DISP1: variants seen among roughly 807,000 people sequenced by gnomAD.
DISP1 encodes the protein dispatched RND transporter family member 1.
DISP1 carries 30 observed loss-of-function variants against 37.3 expected under a neutral mutation model. The ratio of observed to expected loss-of-function variants is 0.80; its 90% CI spans 0.60 to 1.09. The LOEUF is 1.09. DISP1 is among the 50% of genes least tolerant of loss of function. The pLI is 0.00. For synonymous variants in DISP1, 634 were observed against 690.2 expected (o/e 0.92, Z 1.28); for missense variants, 1,598 against 1,879.5 (o/e 0.85, Z 2.77).
At chr1:222,901,921 G>A (rs547746268) in intron 1 of DISP1, among the ~76,000 whole-genome samples, 1 of 152,326 alleles carries the variant, frequency 6.6e-6, no homozygotes, top group Admixed American at 6.5e-5. Flanking sequence ...ATCAAAAGGA[G>A]CAAAGAAATG....
At chr1:222,863,084 AAG>A (rs1299805816) in intron 1 of DISP1, among the ~76,000 whole-genome samples, 1 of 152,212 alleles carries the variant, frequency 6.6e-6, no homozygotes, top group African/African-American at 2.4e-5. Context: ...AAAACCACAG[AAG>A]AGATGCTGTG....
chr1:222,907,727 G>A (rs1336325070), intron 1 of DISP1, among the ~76,000 whole-genome samples: 2 of 152,114 alleles, frequency 1.3e-5, no homozygotes, highest in African/African-American at 4.8e-5. Context: ...CAAGGTCGGC[G>A]GATCACGAGG....
In DISP1 at chr1:223,004,035, C is replaced by T. The variant is rs773822529; in HGVS notation, c.2638C>T (p.Pro880Ser). The T allele has an allele frequency of 6.2e-7, 1 of 1,614,094 alleles. No individual in the cohort carries two copies. The highest frequency in any genetic ancestry group is 8.5e-7 in the Non-Finnish European group (1 of 1,180,026). ...CCCATGCTGCAGCCACTGGAGCTTCCCCTACAAGCAAGAGATTTTTGAACT... is the reference window on the plus strand; with the variant it reads ...CCCATGCTGCAGCCACTGGAGCTTCTCCTACAAGCAAGAGATTTTTGAACT... The part of the protein sequence containing the change: ...LYPCCSHWSF[P>S]YKQEIFELCI... The change falls in exon 9 of 9, where the codon CCC becomes TCC. Residue 880 changes from proline to serine, a missense_variant. By Grantham distance (74) the Pro-to-Ser change is moderately conservative. Coordinates refer to ENST00000675850, the MANE Select transcript of DISP1 (RefSeq NM_001377229.1). The surrounding 1 kb of genome is among the most constrained non-coding windows in gnomAD (Gnocchi z 4.9).
At position 223,003,439 on chromosome 1, in the gene DISP1, A is replaced by G. The variant is rs751327025; in HGVS notation, c.2042A>G (p.Lys681Arg). 2.5e-6 allele frequency: 4 copies of G among 1,614,160 alleles called. No individual in the cohort carries two copies. Among genetic ancestry groups the G allele is most frequent in the Non-Finnish European group, 3.4e-6 (4 of 1,180,036 alleles). ...CCCCAGCAGCAAATATATGATAACA[A>G]AAGCTGCTGGACAGTGGCTTGCCAG... ...KKPQQQIYDN[K>R]SCWTVACQKC... The change falls in exon 9 of 9, where the codon AAA becomes AGA. Residue 681 changes from lysine (K) to arginine (R), a missense_variant. Lys to Arg is a conservative substitution (Grantham distance 26). Transcript: ENST00000675850. The surrounding 1 kb of genome is among the most constrained non-coding windows in gnomAD (Gnocchi z 4.3).
chr1:222,855,331 CT>C, intron 1 of DISP1, among the ~76,000 whole-genome samples: 1 of 152,280 alleles, frequency 6.6e-6, no homozygotes, highest in African/African-American at 2.4e-5. Flanking sequence ...TAGTTAAGAT[CT>C]GTTAGAAAAG....
chr1:222,975,153 GTAGCTGGGACT>G (rs1677220667), intron 3 of DISP1, among the ~76,000 whole-genome samples: 1 of 151,900 alleles, frequency 6.6e-6, no homozygotes, highest in African/African-American at 2.4e-5. Context: ...AGCCTCCTGA[GTAGCTGGGACT>G]ACAGGTGCAT....
chr1:222,989,465 T>G lies in DISP1; in HGVS notation c.540-1160T>G, dbSNP rs1265011421. ...ATATCAAGACTTGGAAGTGCCAAAA[T>G]AATAACGTGTGATCCAGGACCTCAT... On this transcript the variant is annotated intron_variant, in intron 4 of 8. Transcript: ENST00000675850. The G allele has an allele frequency of 3.0e-6, 3 of 985,284 alleles. No individual in the cohort carries two copies. The African/African-American group carries it at 5.2e-5, about 17-fold the overall frequency. The allele number at this position is 985,284 out of a possible 1,614,324, so 61.0% of individuals were successfully genotyped here. A position where few individuals can be genotyped will look rare whatever the true frequency, so the allele number is the denominator to read the frequency against.
intron 3 of DISP1, among the ~76,000 whole-genome samples, chr1:222,969,932 A>T (rs1216451033): frequency 6.6e-6 from 1 of 152,152 alleles, no homozygotes; most frequent in Non-Finnish European, 1.5e-5. Context: ...TCTTCCTTTA[A>T]AAATTAAACT....
chr1:222,906,833 C>T (rs562857060), intron 1 of DISP1, among the ~76,000 whole-genome samples: 2 of 152,208 alleles, frequency 1.3e-5, no homozygotes, highest in Non-Finnish European at 2.9e-5. Flanking sequence ...AATAAACTTG[C>T]TTTCATTTTG....
Position 222,877,963 on chromosome 1 carries a change from T to G in DISP1, c.-158-50467T>G, listed in dbSNP as rs143044511. ...CCAGCGAAATGGAGCAGAGTTCCAG[T>G]GGGAGAGTGGTGTTGCCAGATAAGG... On this transcript the variant is annotated intron_variant, in intron 1 of 8. Coordinates refer to ENST00000675850, the MANE Select transcript of DISP1 (RefSeq NM_001377229.1). Among the ~76,000 whole-genome samples, 449 of 152,152 alleles carry G rather than the reference T, an allele frequency of 3.0e-3. 3 individuals carry two copies. The highest frequency in any genetic ancestry group is 0.011 in the African/African-American group (436 of 41,496).
intron 1 of DISP1, among the ~76,000 whole-genome samples, chr1:222,892,648 CT>C (rs1225113029): frequency 2.0e-5 from 3 of 152,166 alleles, no homozygotes; most frequent in Non-Finnish European, 4.4e-5. Context: ...TTTGTAAATA[CT>C]TTTGACAGAA....
intron 3 of DISP1, among the ~76,000 whole-genome samples, chr1:222,952,756 C>T (rs576597608): frequency 2.0e-5 from 3 of 152,108 alleles, no homozygotes; most frequent in East Asian, 3.9e-4. Context: ...AGGCTGAGGC[C>T]GGAGAATCGC....
chr1:222,887,688 C>T (rs111359736), intron 1 of DISP1, among the ~76,000 whole-genome samples: 4,617 of 122,364 alleles, frequency 0.038, 599 homozygotes, highest in Middle Eastern at 0.079. Flanking sequence ...TTAGTAGAGA[C>T]GGGGTTTCAC....
chr1:222,961,112 A>G (rs761360448), intron 3 of DISP1, among the ~76,000 whole-genome samples: 3 of 152,228 alleles, frequency 2.0e-5, no homozygotes, highest in Non-Finnish European at 2.9e-5. Flanking sequence ...TCCCTAACTC[A>G]TTTTATGAAG....
At chr1:222,853,094 G>A (rs911811631) in intron 1 of DISP1, among the ~76,000 whole-genome samples, 6 of 152,154 alleles carry the variant, frequency 3.9e-5, no homozygotes, top group African/African-American at 1.4e-4. Flanking sequence ...AGAAAAAAGA[G>A]AGTCTTTCAT....
At chr1:222,965,193 T>A (rs1676384897) in intron 3 of DISP1, among the ~76,000 whole-genome samples, 1 of 152,170 alleles carries the variant, frequency 6.6e-6, no homozygotes, top group Non-Finnish European at 1.5e-5. Context: ...TCCTGCCTCT[T>A]TAACTATGTG....
chr1:222,948,232 T>C (rs1203505021), intron 3 of DISP1, among the ~76,000 whole-genome samples: 1 of 152,194 alleles, frequency 6.6e-6, no homozygotes, highest in African/African-American at 2.4e-5. Context: ...TACATGACAA[T>C]GCACTGAGGG....
chr1:222,850,825 TTTTC>T (rs1165759974), intron 1 of DISP1, among the ~76,000 whole-genome samples: 5 of 152,156 alleles, frequency 3.3e-5, no homozygotes, highest in Non-Finnish European at 7.4e-5. Flanking sequence ...GTGTACCACA[TTTTC>T]TTTATCCAGT....
chr1:222,865,643 G>A lies in DISP1; in HGVS notation c.-159+50565G>A, dbSNP rs148895066. On this transcript the variant is annotated intron_variant, in intron 1 of 8. Coordinates refer to ENST00000675850, the MANE Select transcript of DISP1 (RefSeq NM_001377229.1). ...ATCTTTTAAGTGTAGACATTTAAAG[G>A]TAAAATCTAAAAATTGTTTAAAAAG... Among the ~76,000 whole-genome samples, 1,090 of 152,236 alleles carry A rather than the reference G, an allele frequency of 7.2e-3. 8 individuals are homozygous for A. The highest frequency in any genetic ancestry group is 0.017 in the Middle Eastern group (5 of 294).
Sources: allele counts gnomAD v4.1 joint callset (sites outside exome capture counted in the v4.1 genomes callset), GRCh38; gene constraint gnomAD v4.1.1; non-coding constraint Gnocchi (gnomAD v3.1); transcripts MANE v1.5; gene names NCBI Gene and HGNC (gene_info 2026-07-23, HGNC 2026-07-21).